The following RNF115 variants were observed in gnomAD, a reference collection of about 807,000 sequenced individuals.
RNF115 encodes ring finger protein 115, also known as E3 ubiquitin-protein ligase RNF115.
In RNF115, 31 loss-of-function variants were observed where a neutral mutation model predicts 39.2. That is an observed-to-expected ratio of 0.79 (90% CI 0.59 to 1.07). The LOEUF is 1.07. RNF115 is among the 50% of genes least tolerant of loss of function. The pLI, the probability that RNF115 is intolerant of heterozygous loss-of-function variation, is 0.00. For missense variants in RNF115, 384 were observed against 381.7 expected (o/e 1.01, Z -0.05); for synonymous variants, 124 against 131.0 (o/e 0.95, Z 0.37).
At chr1:145,761,753 G>A (rs587714165) in intron 4 of RNF115, among the ~76,000 whole-genome samples, 208 of 152,336 alleles carry the variant, frequency 1.4e-3, no homozygotes, top group African/African-American at 4.9e-3. Context: ...TAGCGGATCT[G>A]TGAGAAGTGG....
chr1:145,784,282 G>C (rs1209480128), intron 3 of RNF115, among the ~76,000 whole-genome samples: 1 of 152,132 alleles, frequency 6.6e-6, no homozygotes, highest in Admixed American at 6.6e-5. Context: ...TAGAAAACAA[G>C]AATTAAAAAC....
intron 3 of RNF115, chr1:145,772,986 A>G (rs1275681533): frequency 6.6e-6 from 1 of 152,002 alleles, no homozygotes; most frequent in East Asian, 1.9e-4. Context: ...TCTTTTGTTG[A>G]GCTCCCCTAG....
At chr1:145,762,769 T>C (rs1179452373) in intron 4 of RNF115, among the ~76,000 whole-genome samples, 1 of 152,042 alleles carries the variant, frequency 6.6e-6, no homozygotes, top group Admixed American at 6.5e-5. Flanking sequence ...AACCTAGGGT[T>C]AATTTCAGAA....
At chr1:145,791,525 AAAG>A (rs1263594414) in intron 1 of RNF115, among the ~76,000 whole-genome samples, 1 of 151,902 alleles carries the variant, frequency 6.6e-6, no homozygotes. Context: ...AAAAAAAAAA[AAAG>A]AGAAAGAGAG....
chr1:145,789,122 AGACAGGGTCTCACTCT>A (rs1444438006), intron 1 of RNF115, among the ~76,000 whole-genome samples, 156 bp from the exon 2 acceptor site: 1 of 150,760 alleles, frequency 6.6e-6, no homozygotes, highest in Non-Finnish European at 1.5e-5. Context: ...TTCTTTTGTG[AGACAGGGTCTCACTCT>A]GTCACCCAGG....
chr1:145,754,264 C>T (rs1553712883), intron 4 of RNF115, among the ~76,000 whole-genome samples: 1 of 152,146 alleles, frequency 6.6e-6, no homozygotes, highest in African/African-American at 2.4e-5. Context: ...AAACTATCAA[C>T]ATATGCATTA....
chr1:145,783,496 T>C lies in RNF115; in HGVS notation c.219+1043A>G, dbSNP rs587745260. Among the ~76,000 whole-genome samples, 109 of 152,316 alleles carry C rather than the reference T, an allele frequency of 7.2e-4. 1 individual carries two copies. The highest frequency in any genetic ancestry group is 1.2e-3 in the Admixed American group (18 of 15,296). ...TATCACTTTTCAAATATACTACTAG[T>C]ACAATTTCAATTTACATACAAAACA... On this transcript the variant is annotated intron_variant, in intron 3 of 8. Transcript: ENST00000582693.
At chr1:145,793,842 CTTTTT>C (rs11304765) in intron 1 of RNF115, among the ~76,000 whole-genome samples, 1 of 135,796 alleles carries the variant, frequency 7.4e-6, no homozygotes, top group Non-Finnish European at 1.6e-5. Context: ...TACCCTCTTT[CTTTTT>C]TTTTTTTTTT....
intron 1 of RNF115, among the ~76,000 whole-genome samples, chr1:145,797,975 G>C (rs1056253912): frequency 6.6e-6 from 1 of 152,078 alleles, no homozygotes; most frequent in Non-Finnish European, 1.5e-5. Flanking sequence ...CAAGTCATTT[G>C]CCTATTTTTT....
intron 1 of RNF115, among the ~76,000 whole-genome samples, chr1:145,818,353 T>A (rs1301703893): frequency 6.6e-6 from 1 of 150,520 alleles, no homozygotes; most frequent in African/African-American, 2.4e-5. Flanking sequence ...CGATTAGTAA[T>A]CCTGAGCATT....
chr1:145,764,599 C>T (rs587776204), intron 4 of RNF115, among the ~76,000 whole-genome samples: 130 of 151,790 alleles, frequency 8.6e-4, no homozygotes, highest in African/African-American at 3.1e-3. Flanking sequence ...ATCCCCTCCG[C>T]CCGGCAGCCG....
chr1:145,809,943 TAAC>T (rs1238302401), intron 1 of RNF115, among the ~76,000 whole-genome samples: 1 of 151,562 alleles, frequency 6.6e-6, no homozygotes, highest in Non-Finnish European at 1.5e-5. Flanking sequence ...GGCACTGTCC[TAAC>T]ACTTATGGAA....
chr1:145,750,040 T>A (rs1336627275), intron 7 of RNF115, among the ~76,000 whole-genome samples: 1 of 152,236 alleles, frequency 6.6e-6, no homozygotes, highest in East Asian at 1.9e-4. Context: ...AATGTCAGTA[T>A]CATGTGTCCA....
At chr1:145,794,502 C>CTTTTTTTTTTTT (rs57242475) in intron 1 of RNF115, among the ~76,000 whole-genome samples, 2 of 81,098 alleles carry the variant, frequency 2.5e-5, no homozygotes, top group Non-Finnish European at 4.5e-5. Context: ...TAATCTCTTT[C>CTTTTTTTTTTTT]TTTTTTTTTT....
chr1:145,785,841 C>T (rs587745277), intron 2 of RNF115, among the ~76,000 whole-genome samples: 1 of 152,310 alleles, frequency 6.6e-6, no homozygotes, highest in Admixed American at 6.5e-5. Flanking sequence ...GCATTAATTT[C>T]AGAAAAACGC....
chr1:145,781,900 CTTTTTTT>C (rs34615861), intron 3 of RNF115, among the ~76,000 whole-genome samples: 53 of 135,560 alleles, frequency 3.9e-4, no homozygotes, highest in Non-Finnish European at 6.7e-4. Context: ...TACACTTTTC[CTTTTTTT>C]TTTTTTTTTT....
intron 1 of RNF115, among the ~76,000 whole-genome samples, chr1:145,803,009 T>C (rs1413226122): frequency 1.3e-5 from 2 of 152,162 alleles, no homozygotes; most frequent in Non-Finnish European, 2.9e-5. Flanking sequence ...AGTTCCACCA[T>C]TATCCTCAAG....
intron 1 of RNF115, among the ~76,000 whole-genome samples, chr1:145,813,375 C>T (rs1649820950): frequency 6.6e-6 from 1 of 152,146 alleles, no homozygotes; most frequent in Non-Finnish European, 1.5e-5. Context: ...ATAAGAGAAA[C>T]ACAGAAAGCA....
chr1:145,775,017 C>A (rs1026442696), intron 3 of RNF115, among the ~76,000 whole-genome samples: 3 of 152,114 alleles, frequency 2.0e-5, no homozygotes, highest in Non-Finnish European at 4.4e-5. Context: ...GAGGCCAAGG[C>A]AGGAGGATCG....
Sources: allele counts gnomAD v4.1 joint callset (sites outside exome capture counted in the v4.1 genomes callset), GRCh38; gene constraint gnomAD v4.1.1; transcripts MANE v1.5; gene names NCBI Gene and HGNC (gene_info 2026-07-23, HGNC 2026-07-21).